The following ACER1 variants were observed in gnomAD, a reference collection of about 807,000 sequenced individuals.
The protein encoded by ACER1 is alkaline ceramidase 1.
In ACER1, 28 loss-of-function variants were observed where a neutral mutation model predicts 24.9. The observed-to-expected ratio is 1.13, with a 90% CI of 0.83 to 1.54. The LOEUF (loss-of-function observed/expected upper bound fraction) is 1.54. ACER1 is among the 40% of genes most tolerant of loss of function. The pLI is 0.00. For missense variants in ACER1, 352 were observed against 349.3 expected (o/e 1.01, Z -0.06); for synonymous variants, 132 against 131.4 (o/e 1.00, Z -0.03).
At chr19:6,320,989 GTTTT>G (rs398059534) in intron 1 of ACER1, among the ~76,000 whole-genome samples, 1 of 139,326 alleles carries the variant, frequency 7.2e-6, no homozygotes, top group East Asian at 2.1e-4. Context: ...GCTGTGGGTT[GTTTT>G]TTTTTTTTTA....
the ACER1 span, among the ~76,000 whole-genome samples, chr19:6,355,767 C>T: frequency 5.1e-4 from 72 of 142,116 alleles, 5 homozygotes; most frequent in African/African-American, 1.9e-3. Flanking sequence ...CAGCCCCCCA[C>T]CCGGCCAGCC....
chr19:6,331,026 T>G (rs1192433539), intron 1 of ACER1, among the ~76,000 whole-genome samples: 1 of 149,750 alleles, frequency 6.7e-6, no homozygotes, highest in Non-Finnish European at 1.5e-5. Flanking sequence ...AACACCTGTT[T>G]TATCACCTGG....
At chr19:6,319,709 G>A (rs938078620) in intron 1 of ACER1, among the ~76,000 whole-genome samples, 3 of 152,062 alleles carry the variant, frequency 2.0e-5, no homozygotes, top group East Asian at 1.9e-4. Flanking sequence ...TAAGTGCCAC[G>A]GGACCAGGGA....
intron 1 of ACER1, among the ~76,000 whole-genome samples, chr19:6,320,642 G>GC (rs1208403547): frequency 6.6e-6 from 1 of 152,032 alleles, no homozygotes; most frequent in African/African-American, 2.4e-5. Context: ...CTAATCACCA[G>GC]TAATTAAGTG....
At chr19:6,315,009 A>T (rs937056497) in intron 1 of ACER1, among the ~76,000 whole-genome samples, 1 of 151,606 alleles carries the variant, frequency 6.6e-6, no homozygotes, top group African/African-American at 2.4e-5. Flanking sequence ...CTCCTGCCTC[A>T]GCCTCCTGAG....
intron 1 of ACER1, among the ~76,000 whole-genome samples, chr19:6,320,367 T>C (rs992557956): frequency 1.3e-5 from 2 of 152,024 alleles, no homozygotes; most frequent in East Asian, 1.9e-4. Context: ...GGCTGGAGTG[T>C]AGCGGCGCGA....
At chr19:6,356,098 C>A in the ACER1 span, among the ~76,000 whole-genome samples, 1 of 151,386 alleles carries the variant, frequency 6.6e-6, no homozygotes, top group Non-Finnish European at 1.5e-5. Flanking sequence ...GAGGTAGACA[C>A]GGGAGACTTT....
chr19:6,349,544 C>A, the ACER1 span, among the ~76,000 whole-genome samples: 1 of 151,618 alleles, frequency 6.6e-6, no homozygotes, highest in South Asian at 2.1e-4. Flanking sequence ...GGAGGAAGGG[C>A]AGACAGAACT....
At chr19:6,345,176 T>G in the ACER1 span, among the ~76,000 whole-genome samples, 1 of 152,102 alleles carries the variant, frequency 6.6e-6, no homozygotes, top group African/African-American at 2.4e-5. Flanking sequence ...ATTACAGGCG[T>G]GAGCCACCGT....
At position 6,311,371 on chromosome 19, in the gene ACER1, G is replaced by A. The variant is rs550627969; in HGVS notation, c.350+778C>T. ...CCAGCCTGGCCAACATGGTGAAACC[G>A]TCTCTACTAAAAATACAAAAATTAG... On this transcript the variant is annotated intron_variant, in intron 3 of 5. Coordinates refer to ENST00000301452, the MANE Select transcript of ACER1 (RefSeq NM_133492.3). Among the ~76,000 whole-genome samples, 25 of 151,898 alleles carry A rather than the reference G, an allele frequency of 1.6e-4. No individual in the cohort carries two copies. In the South Asian group the frequency reaches 4.4e-3, roughly 27 times the overall value.
rs1182130481 is a variant in ACER1, at chr19:6,307,063, C to T, written c.626+90G>A. 11 of 1,566,264 alleles carry T rather than the reference C, an allele frequency of 7.0e-6. No individual in the cohort carries two copies. In the East Asian group the frequency reaches 2.0e-4, roughly 29 times the overall value. ...GTCTGGCTCTCCTCTCTCTGCTTCT[C>T]CAACCCCAGCCCCCAGGTGCCTACT... On this transcript the variant is annotated intron_variant, in intron 5 of 5. Transcript: ENST00000301452.
At chr19:6,330,721 T>A (rs1212045094) in intron 1 of ACER1, among the ~76,000 whole-genome samples, 1 of 149,824 alleles carries the variant, frequency 6.7e-6, no homozygotes, top group African/African-American at 2.5e-5. Flanking sequence ...CCCTTACCCA[T>A]CATCTCAGCC....
chr19:6,325,737 G>A lies in ACER1; in HGVS notation c.93+7722C>T, dbSNP rs201370769. Among the ~76,000 whole-genome samples, 13 of 152,148 alleles carry A rather than the reference G, an allele frequency of 8.5e-5. 1 individual carries two copies. In the East Asian group the frequency reaches 2.3e-3, roughly 27 times the overall value. On this transcript the variant is annotated intron_variant, in intron 1 of 5. Transcript: ENST00000301452. ...GAGCTGGGCGTGGTGGCTCATGCCT[G>A]TAATCCCAGCTACTCTGGGGGCTGA...
In ACER1 at chr19:6,312,054, T is replaced by A. The variant is rs553166782; in HGVS notation, c.350+95A>T. 20 of 1,471,240 alleles carry A rather than the reference T, an allele frequency of 1.4e-5. No homozygotes were observed. In the African/African-American group the frequency reaches 2.7e-4, roughly 20 times the overall value. The allele number at this position is 1,471,240 out of a possible 1,614,324, so 91.1% of individuals were successfully genotyped here. ...GGAATTCCAAGGGCCCCAAAGAGGG[T>A]CAAGGGTGGGGACCCAGGGGACTCA... On this transcript the variant is annotated intron_variant, in intron 3 of 5. Transcript: ENST00000301452.
At chr19:6,358,358 C>A in the ACER1 span, among the ~76,000 whole-genome samples, 2 of 152,096 alleles carry the variant, frequency 1.3e-5, no homozygotes, top group Non-Finnish European at 2.9e-5. Flanking sequence ...ACCTTCAACT[C>A]CCTCCCTCTG....
At chr19:6,310,147 G>C (rs2091571204) in intron 3 of ACER1, among the ~76,000 whole-genome samples, 1 of 151,954 alleles carries the variant, frequency 6.6e-6, no homozygotes, top group Non-Finnish European at 1.5e-5. Context: ...GAGTGCAGCA[G>C]TGCGATCTGG....
At chr19:6,306,942 C>T in intron 5 of ACER1, 60 bp from the exon 6 acceptor site, 2 of 1,559,588 alleles carry the variant, frequency 1.3e-6, no homozygotes, top group South Asian at 2.4e-5. Flanking sequence ...CACGCCGGCC[C>T]TCTTTTTACT....
the ACER1 span, among the ~76,000 whole-genome samples, chr19:6,356,900 G>T: frequency 6.6e-6 from 1 of 151,960 alleles, no homozygotes. Flanking sequence ...AATAGAAAAA[G>T]AAACAAATGA....
At chr19:6,318,545 A>G (rs1009209743) in intron 1 of ACER1, among the ~76,000 whole-genome samples, 1 of 149,304 alleles carries the variant, frequency 6.7e-6, no homozygotes, top group African/African-American at 2.5e-5. Flanking sequence ...TGGAAAGCTC[A>G]GGCAGGCGGA....
Sources: allele counts gnomAD v4.1 joint callset (sites outside exome capture counted in the v4.1 genomes callset), GRCh38; gene constraint gnomAD v4.1.1; transcripts MANE v1.5; gene names NCBI Gene and HGNC (gene_info 2026-07-23, HGNC 2026-07-21).